Variants in SLC25A48 observed in about 807,000 individuals in gnomAD.
SLC25A48 encodes the protein solute carrier family 25 member 48.
SLC25A48 carries 29 observed loss-of-function variants against 32.2 expected under a neutral mutation model. The ratio of observed to expected loss-of-function variants is 0.90; its 90% confidence interval spans 0.67 to 1.23. The LOEUF (loss-of-function observed/expected upper bound fraction) is 1.23. SLC25A48 is among the 50% of genes most tolerant of loss of function. The pLI, the probability that SLC25A48 is intolerant of heterozygous loss-of-function variation, is 0.00. For missense variants in SLC25A48, 399 were observed against 422.7 expected (o/e 0.94, Z 0.49); for synonymous variants, 164 against 172.3 (o/e 0.95, Z 0.38).
chr5:135,850,933 G>A (rs540779343), intron 3 of SLC25A48, among the ~76,000 whole-genome samples: 1 of 152,262 alleles, frequency 6.6e-6, no homozygotes, highest in African/African-American at 2.4e-5. Flanking sequence ...TAGACCATGC[G>A]ACCTGAGGTA....
chr5:135,839,576 A>C (rs969770440), intron 1 of SLC25A48, among the ~76,000 whole-genome samples: 26 of 152,168 alleles, frequency 1.7e-4, no homozygotes, highest in African/African-American at 6.3e-4. Flanking sequence ...TTAATGCTGA[A>C]ATGAGTTAAG....
intron 3 of SLC25A48, among the ~76,000 whole-genome samples, chr5:135,784,317 A>G (rs1425666596): frequency 3.4e-5 from 4 of 116,266 alleles, no homozygotes; most frequent in African/African-American, 1.1e-4. Flanking sequence ...GAATGATATT[A>G]CTCCCAATAC....
chr5:135,805,386 C>T (rs1236457640), intron 3 of SLC25A48, among the ~76,000 whole-genome samples: 1 of 151,376 alleles, frequency 6.6e-6, no homozygotes, highest in African/African-American at 2.4e-5. Flanking sequence ...TTTGTGTACA[C>T]CCTGAAATAT....
At chr5:135,726,412 T>C (rs1233714667) in intron 3 of SLC25A48, among the ~76,000 whole-genome samples, 1 of 152,234 alleles carries the variant, frequency 6.6e-6, no homozygotes, top group Non-Finnish European at 1.5e-5. Context: ...GACATTTCCA[T>C]TTCCATAATC....
intron 1 of SLC25A48, among the ~76,000 whole-genome samples, chr5:135,623,161 T>G (rs1265096122): frequency 1.3e-5 from 2 of 152,264 alleles, no homozygotes; most frequent in Non-Finnish European, 2.9e-5. Flanking sequence ...CTTGGTTTGT[T>G]GCTTTGAAAG....
chr5:135,609,734 T>A (rs925594682), intron 1 of SLC25A48: 1 of 152,164 alleles, frequency 6.6e-6, no homozygotes, highest in African/African-American at 2.4e-5. Flanking sequence ...GATAGGTAAG[T>A]GGAAAAAGCA....
At chr5:135,831,893 G>A (rs1381841812), upstream of SLC25A48, among the ~76,000 whole-genome samples, 1 of 152,190 alleles carries the variant, frequency 6.6e-6, no homozygotes, top group African/African-American at 2.4e-5. Context: ...TCCAGGCAGG[G>A]CAGTGGCACA....
chr5:135,826,893 C>T (rs1410032265), intron 4 of SLC25A48: 2 of 152,308 alleles, frequency 1.3e-5, no homozygotes, highest in Non-Finnish European at 2.9e-5. Flanking sequence ...CTCCCCTAGA[C>T]CCATCTTGCT....
intron 3 of SLC25A48, among the ~76,000 whole-genome samples, chr5:135,715,337 G>T (rs986222937): frequency 6.6e-6 from 1 of 152,198 alleles, no homozygotes; most frequent in Non-Finnish European, 1.5e-5. Flanking sequence ...AGTGAGTGGG[G>T]ACTTCATTCA....
intron 3 of SLC25A48, among the ~76,000 whole-genome samples, chr5:135,677,742 G>A (rs1753804795): frequency 6.6e-6 from 1 of 152,068 alleles, no homozygotes; most frequent in Admixed American, 6.5e-5. Flanking sequence ...TTGCTTATCT[G>A]GGAAAATTTT....
chr5:135,774,891 G>T (rs990959727), intron 3 of SLC25A48, among the ~76,000 whole-genome samples: 19 of 151,574 alleles, frequency 1.3e-4, no homozygotes, highest in Admixed American at 7.3e-4. Context: ...ATTGCAGAAG[G>T]TGTACACACC....
At chr5:135,628,933 C>A (rs546578840) in intron 1 of SLC25A48, among the ~76,000 whole-genome samples, 2 of 152,210 alleles carry the variant, frequency 1.3e-5, no homozygotes, top group Non-Finnish European at 2.9e-5. Flanking sequence ...CACCCCATGT[C>A]CAGATGAGCA....
intron 3 of SLC25A48, among the ~76,000 whole-genome samples, chr5:135,790,866 A>G (rs78019860): frequency 0.048 from 7,314 of 151,958 alleles, 364 homozygotes; most frequent in African/African-American, 0.13. Context: ...ACTGTGTGAT[A>G]TTATTCGTAA....
intron 3 of SLC25A48, among the ~76,000 whole-genome samples, chr5:135,801,534 A>G (rs1430288445): frequency 6.6e-6 from 1 of 150,762 alleles, no homozygotes; most frequent in East Asian, 2.0e-4. Context: ...GTGGGGGAAG[A>G]AGATGATATT....
At chr5:135,817,101 C>T (rs867366199) in intron 4 of SLC25A48, among the ~76,000 whole-genome samples, 1 of 152,210 alleles carries the variant, frequency 6.6e-6, no homozygotes, top group Non-Finnish European at 1.5e-5. Context: ...AAATTTATAG[C>T]AGCAGTGCTC....
At chr5:135,813,732 C>T (rs1381386026) in intron 4 of SLC25A48, among the ~76,000 whole-genome samples, 2 of 152,164 alleles carry the variant, frequency 1.3e-5, no homozygotes, top group Non-Finnish European at 2.9e-5. Flanking sequence ...AACACAACAT[C>T]AATCCTTTCA....
chr5:135,675,943 A>G (rs1753759347), intron 3 of SLC25A48, among the ~76,000 whole-genome samples: 1 of 151,686 alleles, frequency 6.6e-6, no homozygotes, highest in African/African-American at 2.4e-5. Flanking sequence ...ATTCCTAGGC[A>G]TTTTATTTTA....
intron 3 of SLC25A48, among the ~76,000 whole-genome samples, chr5:135,693,970 G>A (rs1212198123): frequency 2.6e-5 from 4 of 152,098 alleles, no homozygotes; most frequent in African/African-American, 7.2e-5. Flanking sequence ...AGAAAAAAAA[G>A]CATTTCTTTA....
intron 1 of SLC25A48, among the ~76,000 whole-genome samples, chr5:135,836,587 C>A (rs1320243938): frequency 6.6e-6 from 1 of 152,162 alleles, no homozygotes; most frequent in African/African-American, 2.4e-5. Context: ...AGAACATTTT[C>A]ATCCCCCAGT....
Sources: allele counts gnomAD v4.1 joint callset (sites outside exome capture counted in the v4.1 genomes callset), GRCh38; gene constraint gnomAD v4.1.1; transcripts MANE v1.5; gene names NCBI Gene and HGNC (gene_info 2026-07-23, HGNC 2026-07-21).